Variants in UBP1 observed in about 807,000 individuals in gnomAD.
UBP1 encodes upstream-binding protein 1.
A neutral mutation model predicts 76.1 loss-of-function variants in UBP1; 22 were observed. That is an observed-to-expected ratio of 0.29 (90% CI 0.21 to 0.41). The LOEUF is 0.41. Among genes scored for constraint, UBP1 ranks in the 10% least tolerant of loss-of-function variants. The pLI, the probability that UBP1 is intolerant of heterozygous loss-of-function variation, is 1.00. For missense variants in UBP1, 436 were observed against 668.1 expected, an observed-to-expected ratio of 0.65 and a Z score of 3.83; for synonymous variants, 224 against 237.1, an observed-to-expected ratio of 0.94 and a Z score of 0.51.
intron 1 of UBP1, among the ~76,000 whole-genome samples, chr3:33,429,202 G>A (rs2045072304): frequency 6.6e-6 from 1 of 152,156 alleles, no homozygotes; most frequent in Non-Finnish European, 1.5e-5. Context: ...TTAGTATTAA[G>A]ATTGAAAACT....
chr3:33,423,365 A>G lies in UBP1; in HGVS notation c.265+2225T>C, dbSNP rs558644892. The stretch of plus-strand genomic sequence containing the variant: ...ATATTTTTTAAAATTACTAAAATGT[A>G]TGTTGTTTTAAACATGTCTACATAT... On this transcript the variant is annotated intron_variant, in intron 2 of 15. Coordinates refer to ENST00000283629, the MANE Select transcript of UBP1 (RefSeq NM_014517.5). Among the ~76,000 whole-genome samples the G allele has an allele frequency of 2.0e-5, 3 of 152,298 alleles. No individual in the cohort carries two copies. The South Asian group carries it at 6.2e-4, about 32-fold the overall frequency.
At chr3:33,407,839 T>G (rs2044468212) in intron 8 of UBP1, among the ~76,000 whole-genome samples, 1 of 152,252 alleles carries the variant, frequency 6.6e-6, no homozygotes, top group Non-Finnish European at 1.5e-5. Flanking sequence ...GACAATTATT[T>G]TAAATGATTC....
chr3:33,439,121 T>C (rs1347479352), intron 1 of UBP1, among the ~76,000 whole-genome samples: 2 of 152,222 alleles, frequency 1.3e-5, no homozygotes, highest in Non-Finnish European at 2.9e-5. Context: ...TTATTTGTGG[T>C]GCAATCACTG....
At chr3:33,412,063 T>G (rs913504071) in intron 4 of UBP1, among the ~76,000 whole-genome samples, 23 of 152,072 alleles carry the variant, frequency 1.5e-4, no homozygotes, top group Admixed American at 9.8e-4. Flanking sequence ...GGCGCGTGCC[T>G]GTAGTCCCAG....
rs1362950798 is a variant in UBP1, at chr3:33,439,948, C to A, written c.-100G>T. On this transcript the variant is annotated 5_prime_UTR_variant, in exon 1 of 16. Coordinates refer to ENST00000283629, the MANE Select transcript of UBP1 (RefSeq NM_014517.5). ...GTCCTGGGGGAGGGCGCGGGTGAAG[C>A]CTCCGGAGGGGCGGCGAGTGGTCAC... 16 of 1,329,862 alleles carry A rather than the reference C, an allele frequency of 1.2e-5. No homozygotes were observed. Among genetic ancestry groups the A allele is most frequent in the Non-Finnish European group, 1.5e-5 (15 of 969,038 alleles). The allele number at this position is 1,329,862 out of a possible 1,614,324, so 82.4% of individuals were successfully genotyped here.
Position 33,388,859 on chromosome 3 carries a change from T to C in UBP1, c.*1472A>G, listed in dbSNP as rs1237829887. The C allele has an allele frequency of 6.6e-6, 1 of 152,252 alleles. No homozygotes were observed. Among genetic ancestry groups the C allele is most frequent in the African/African-American group, 2.4e-5 (1 of 41,478 alleles). 9.4% of individuals were successfully genotyped at this position (152,252 alleles called of 1,614,324 possible). A position where few individuals can be genotyped will look rare whatever the true frequency, so the allele number is the denominator to read the frequency against. On this transcript the variant is annotated 3_prime_UTR_variant, in exon 16 of 16. Coordinates refer to ENST00000283629, the MANE Select transcript of UBP1 (RefSeq NM_014517.5). The stretch of plus-strand genomic sequence containing the variant: ...ATGTCAAAGCTTTTACTCACTGAAG[T>C]AGTTTGTCTTCTGGGAGAGATTTCA...
chr3:33,405,047 G>C (rs2044379835), intron 8 of UBP1, among the ~76,000 whole-genome samples: 1 of 152,108 alleles, frequency 6.6e-6, no homozygotes, highest in Non-Finnish European at 1.5e-5. Flanking sequence ...ACTGAGTTAA[G>C]AGGCTATGGT....
rs1483502139 is a variant in UBP1, at chr3:33,400,848, A to G, written c.1086+114T>C. On this transcript the variant is annotated intron_variant, in intron 10 of 15. Transcript: ENST00000283629. ...AAATATCCTGACTCGATTACCACAC[A>G]TTACCATACATGTAACAAAACTTCT... 3 of 998,714 alleles carry G rather than the reference A, an allele frequency of 3.0e-6. No individual in the cohort carries two copies. In the Admixed American group the frequency reaches 7.7e-5, roughly 26 times the overall value. 61.9% of individuals were successfully genotyped at this position (998,714 alleles called of 1,614,324 possible).
chr3:33,406,095 A>G (rs994120987), intron 8 of UBP1, among the ~76,000 whole-genome samples: 7 of 152,204 alleles, frequency 4.6e-5, no homozygotes, highest in African/African-American at 1.7e-4. Context: ...ATTTTACACA[A>G]CAATGCCCAT....
At chr3:33,433,902 C>G (rs2045157608) in intron 1 of UBP1, among the ~76,000 whole-genome samples, 2 of 151,334 alleles carry the variant, frequency 1.3e-5, no homozygotes, top group Non-Finnish European at 2.9e-5. Context: ...CCAGCCTGGG[C>G]AACAAAGCAA....
chr3:33,400,692 G>C (rs1416215928), intron 10 of UBP1, among the ~76,000 whole-genome samples: 1 of 152,052 alleles, frequency 6.6e-6, no homozygotes, highest in South Asian at 2.1e-4. Flanking sequence ...ATAAGAGAGA[G>C]GATGAGAAGA....
chr3:33,388,520 C>T lies in UBP1; in HGVS notation c.*1811G>A, dbSNP rs1311212270. The T allele has an allele frequency of 1.3e-5, 2 of 152,568 alleles. No individual in the cohort carries two copies. The highest frequency in any genetic ancestry group is 4.8e-5 in the African/African-American group (2 of 41,414). The allele number at this position is 152,568 out of a possible 1,614,324, so 9.5% of individuals were successfully genotyped here. On this transcript the variant is annotated 3_prime_UTR_variant, in exon 16 of 16. Coordinates refer to ENST00000283629, the MANE Select transcript of UBP1 (RefSeq NM_014517.5). ...GCATCTAAGTATTTTTACCCCGCTT[C>T]TAAAACCTGATGAGGAATTCAAAAT...
chr3:33,427,244 C>A (rs2045034007), intron 1 of UBP1, among the ~76,000 whole-genome samples: 1 of 152,200 alleles, frequency 6.6e-6, no homozygotes, highest in African/African-American at 2.4e-5. Flanking sequence ...GGATTATAGG[C>A]GTGAGCCATC....
At position 33,388,691 on chromosome 3, in the gene UBP1, C is replaced by T. The variant is rs531556173; in HGVS notation, c.*1640G>A. ...CTGGTACAGAAAACATGTGGTCACA[C>T]GAAAGCAAAGGGAAAAAGTCAGAAA... On this transcript the variant is annotated 3_prime_UTR_variant, in exon 16 of 16. Coordinates refer to ENST00000283629, the MANE Select transcript of UBP1 (RefSeq NM_014517.5). The T allele has an allele frequency of 6.6e-6, 1 of 151,968 alleles. No homozygotes were observed. Among genetic ancestry groups the T allele is most frequent in the Non-Finnish European group, 1.5e-5 (1 of 68,004 alleles). 9.4% of individuals were successfully genotyped at this position (151,968 alleles called of 1,614,324 possible).
At chr3:33,392,419 C>T (rs2043804904) in intron 15 of UBP1, 144 bp downstream of exon 15, 1 of 683,134 alleles carries the variant, frequency 1.5e-6, no homozygotes, top group Non-Finnish European at 2.3e-6. Context: ...GTTACAACCA[C>T]TAGAAATATT....
chr3:33,417,907 T>C (rs2044771565), intron 2 of UBP1, among the ~76,000 whole-genome samples: 1 of 152,156 alleles, frequency 6.6e-6, no homozygotes, highest in African/African-American at 2.4e-5. Context: ...AAAATACAAC[T>C]ACATCACTCC....
At position 33,409,313 on chromosome 3, in the gene UBP1, G is replaced by A. The variant is rs1264517099; in HGVS notation, c.742C>T (p.Arg248Ter). 2 of 1,613,814 alleles carry A rather than the reference G, an allele frequency of 1.2e-6. No homozygotes were observed. Among genetic ancestry groups the A allele is most frequent in the Non-Finnish European group, 1.7e-6 (2 of 1,179,944 alleles). The change falls in exon 7 of 16, where the codon CGA becomes TGA. Residue 248 changes from arginine (R) to a stop codon, truncating the protein, a stop_gained. Transcript: ENST00000283629. LOFTEE classifies it high-confidence loss of function. ...GCTGTTCTCTTCTCCATCTTCTCTCGGTCAGTTTTTTGTTTCCTGTCTGCA... is the reference window on the plus strand; with the variant it reads ...GCTGTTCTCTTCTCCATCTTCTCTCAGTCAGTTTTTTGTTTCCTGTCTGCA... ...KGADRKQKTD[R>*]EKMEKRTAHE...
At chr3:33,439,658 G>T in intron 1 of UBP1, 78 bp downstream of exon 1, 3 of 1,479,218 alleles carry the variant, frequency 2.0e-6, no homozygotes, top group South Asian at 1.2e-5. Context: ...GGGAGCAGCC[G>T]CATCTGGCAG....
At chr3:33,419,651 GA>G (rs1200998689) in intron 2 of UBP1, among the ~76,000 whole-genome samples, 2 of 147,272 alleles carry the variant, frequency 1.4e-5, no homozygotes, top group African/African-American at 2.5e-5. Flanking sequence ...AAAACCAGAA[GA>G]AAAGAAAAGA....
Sources: gnomAD v4.1 joint callset for allele counts (sites outside exome capture counted in the v4.1 genomes callset) on GRCh38, gnomAD v4.1.1 for gene constraint, MANE v1.5 for transcripts, NCBI Gene and HGNC (gene_info 2026-07-23, HGNC 2026-07-21) for gene names.